DGKB: variants seen among roughly 807,000 people sequenced by gnomAD.
DGKB encodes 90 kDa diacylglycerol kinase.
A neutral mutation model predicts 114.3 loss-of-function variants in DGKB; 67 were observed. The ratio of observed to expected loss-of-function variants is 0.59; its 90% CI spans 0.48 to 0.72. The LOEUF (loss-of-function observed/expected upper bound fraction) is 0.72, where lower values mean the gene tolerates loss of function less well. DGKB is among the 30% of genes least tolerant of loss of function. The pLI, the probability that DGKB is intolerant of heterozygous loss-of-function variation, is 0.00. For synonymous variants in DGKB, 398 were observed against 323.1 expected, an observed-to-expected ratio of 1.23 and a Z score of -2.49; for missense variants, 907 against 975.2, an observed-to-expected ratio of 0.93 and a Z score of 0.93.
intron 17 of DGKB, among the ~76,000 whole-genome samples, chr7:14,592,787 T>C (rs10275243): frequency 0.57 from 86,311 of 151,266 alleles, 25,665 homozygotes; most frequent in African/African-American, 0.75. Flanking sequence ...TTCGATGTTT[T>C]ATCAATTTAA....
intron 1 of DGKB, among the ~76,000 whole-genome samples, chr7:14,935,346 A>T (rs567558389): frequency 1.3e-5 from 2 of 152,308 alleles, no homozygotes; most frequent in South Asian, 4.1e-4. Flanking sequence ...CCAAGGCTTA[A>T]TAACAGGCGT....
chr7:14,209,031 C>T (rs1015048690), intron 23 of DGKB: 2 of 162,798 alleles, frequency 1.2e-5, no homozygotes, highest in Non-Finnish European at 2.7e-5. Context: ...TATCGACATA[C>T]TTGCATACAT....
At position 14,238,528 on chromosome 7, in the gene DGKB, T is replaced by C. The variant is rs78815104; in HGVS notation, c.2123-60377A>G. On this transcript the variant is annotated intron_variant, in intron 23 of 25. Transcript: ENST00000402815. The stretch of plus-strand genomic sequence containing the variant: ...ACTTAGTTTCCAGGAATTTCCAGGC[T>C]ACATTTTGGGCTTAACAAGAATAAC... 6.5e-3 allele frequency among the ~76,000 whole-genome samples: 989 copies of C among 152,194 alleles called. 36 individuals are homozygous for C. In the East Asian group the frequency reaches 0.066, roughly 10 times the overall value.
At chr7:14,627,301 C>A (rs1808762924) in intron 14 of DGKB, among the ~76,000 whole-genome samples, 1 of 152,068 alleles carries the variant, frequency 6.6e-6, no homozygotes, top group Non-Finnish European at 1.5e-5. Context: ...AAAATGACAA[C>A]TGGTCTTAAA....
intron 21 of DGKB, among the ~76,000 whole-genome samples, chr7:14,470,563 C>T (rs980780648): frequency 6.6e-6 from 1 of 151,606 alleles, no homozygotes; most frequent in African/African-American, 2.4e-5. Context: ...AGTTTAATTC[C>T]TAAAAGTTTA....
chr7:14,773,853 G>C (rs1006084552), intron 2 of DGKB, among the ~76,000 whole-genome samples: 1 of 152,076 alleles, frequency 6.6e-6, no homozygotes, highest in Non-Finnish European at 1.5e-5. Context: ...TGTGTTGTTA[G>C]TGCTAAACAG....
chr7:14,292,872 G>T (rs1451534866), intron 23 of DGKB, among the ~76,000 whole-genome samples: 1 of 152,138 alleles, frequency 6.6e-6, no homozygotes, highest in African/African-American at 2.4e-5. Flanking sequence ...ACAGAGGTTT[G>T]ACCACTACCT....
intron 2 of DGKB, among the ~76,000 whole-genome samples, chr7:14,813,518 C>T (rs1392172525): frequency 6.6e-6 from 1 of 152,112 alleles, no homozygotes; most frequent in Non-Finnish European, 1.5e-5. Context: ...CCCCAGAGAA[C>T]ATTTCTCTCC....
intron 23 of DGKB, among the ~76,000 whole-genome samples, chr7:14,193,386 T>TACATTCA (rs1784585467): frequency 6.6e-6 from 1 of 151,908 alleles, no homozygotes; most frequent in Admixed American, 6.6e-5. Context: ...AGACCAGAAA[T>TACATTCA]ACATTCAACA....
intron 2 of DGKB, among the ~76,000 whole-genome samples, chr7:14,763,359 TA>T (rs1442653749): frequency 2.0e-5 from 3 of 152,110 alleles, no homozygotes; most frequent in Non-Finnish European, 4.4e-5. Flanking sequence ...GTAACACTAT[TA>T]ATTATAGCTT....
At chr7:14,819,971 C>A (rs77100409) in intron 2 of DGKB, among the ~76,000 whole-genome samples, 1 of 152,084 alleles carries the variant, frequency 6.6e-6, no homozygotes, top group African/African-American at 2.4e-5. Context: ...TCCGCCCCAG[C>A]AAACACACAA....
intron 20 of DGKB, among the ~76,000 whole-genome samples, chr7:14,566,228 T>A (rs1797363076): frequency 1.3e-5 from 2 of 152,182 alleles, no homozygotes; most frequent in Admixed American, 1.3e-4. Context: ...AAAAGATTTT[T>A]AAAAACAATT....
intron 13 of DGKB, among the ~76,000 whole-genome samples, chr7:14,656,157 T>C (rs1425976955): frequency 1.3e-5 from 2 of 151,586 alleles, no homozygotes; most frequent in East Asian, 3.9e-4. Context: ...TATGTAAAAT[T>C]ATTATGGTAA....
chr7:14,371,490 T>C (rs893226631), intron 21 of DGKB, among the ~76,000 whole-genome samples: 4 of 152,184 alleles, frequency 2.6e-5, no homozygotes, highest in Non-Finnish European at 5.9e-5. Flanking sequence ...TGTTTGTTCA[T>C]GTCTTTTGCT....
intron 23 of DGKB, among the ~76,000 whole-genome samples, chr7:14,224,453 A>T (rs559917180): frequency 2.0e-5 from 3 of 152,012 alleles, no homozygotes; most frequent in African/African-American, 4.8e-5. Context: ...ATAATGGCTA[A>T]TTTGAAGGCT....
chr7:14,945,646 A>C (rs1403101334), intron 1 of DGKB, among the ~76,000 whole-genome samples: 1 of 151,780 alleles, frequency 6.6e-6, no homozygotes, highest in East Asian at 1.9e-4. Flanking sequence ...CTATATCAGA[A>C]CACATGCCAC....
intron 1 of DGKB, among the ~76,000 whole-genome samples, chr7:14,960,875 G>T (rs1229378906): frequency 6.6e-6 from 1 of 152,008 alleles, no homozygotes; most frequent in Non-Finnish European, 1.5e-5. Context: ...GTCAAATTAA[G>T]CCAAAGATAA....
At chr7:14,358,708 A>T (rs1487669668) in intron 21 of DGKB, among the ~76,000 whole-genome samples, 6 of 152,144 alleles carry the variant, frequency 3.9e-5, no homozygotes, top group Admixed American at 2.6e-4. Flanking sequence ...AACAATTGCT[A>T]CAAAGAGAAT....
rs563556862 is a variant in DGKB at position 14,890,927 on chromosome 7, G to T, written c.-188+11665C>A. On this transcript the variant is annotated intron_variant, in intron 1 of 25. Transcript: ENST00000402815. ...ACGCTTCTGAAATTGATTAAAGAAA[G>T]CTCCAATGACTACACTTAGTCGAAT... is the stretch of plus-strand genomic sequence containing the variant. Among the ~76,000 whole-genome samples the T allele has an allele frequency of 2.0e-5, 3 of 149,344 alleles. No homozygotes were observed. The South Asian group carries it at 6.3e-4, about 31-fold the overall frequency.
Sources: allele counts gnomAD v4.1 joint callset (sites outside exome capture counted in the v4.1 genomes callset), GRCh38; gene constraint gnomAD v4.1.1; transcripts MANE v1.5; gene names NCBI Gene and HGNC (gene_info 2026-07-23, HGNC 2026-07-21).